FMNL3: variants seen among roughly 807,000 people sequenced by gnomAD.
FMNL3 encodes formin-like protein 3.
A neutral mutation model predicts 119.6 loss-of-function variants in FMNL3; 57 were observed. That is an observed-to-expected ratio of 0.48 (90% CI 0.39 to 0.59). The LOEUF (loss-of-function observed/expected upper bound fraction) is 0.59. FMNL3 is among the 20% of genes least tolerant of loss of function. FMNL3 has a pLI of 0.00. For synonymous variants in FMNL3, 491 were observed against 507.3 expected, an observed-to-expected ratio of 0.97 and a Z score of 0.43; for missense variants, 1,053 against 1,323.5, an observed-to-expected ratio of 0.80 and a Z score of 3.17.
At chr12:49,698,800 C>T (rs1944823278) in intron 1 of FMNL3, among the ~76,000 whole-genome samples, 1 of 152,160 alleles carries the variant, frequency 6.6e-6, no homozygotes, top group Admixed American at 6.5e-5. Context: ...CATAACTTTG[C>T]CCAGAGAGGC....
Position 49,707,368 on chromosome 12 carries a change from G to A in FMNL3, c.-188C>T. 2.2e-6 allele frequency: 1 copy of A among 453,892 alleles called. No individual in the cohort carries two copies. The allele number at this position is 453,892 out of a possible 1,614,324, so 28.1% of individuals were successfully genotyped here. On this transcript the variant is annotated 5_prime_UTR_variant, in exon 1 of 26. The change creates a new upstream start codon in the 5' untranslated region. Transcript: ENST00000335154. ...GGCGCGCGGCGAGGGCGGAGGCAGCGTAGCGGACAGCCGCACCGAAGCAAG... is the reference window on the plus strand; with the variant it reads ...GGCGCGCGGCGAGGGCGGAGGCAGCATAGCGGACAGCCGCACCGAAGCAAG...
At chr12:49,690,482 A>G (rs184959529) in intron 1 of FMNL3, among the ~76,000 whole-genome samples, 11 of 152,310 alleles carry the variant, frequency 7.2e-5, no homozygotes, top group Admixed American at 7.2e-4. Context: ...TCTAAACTCT[A>G]TGAGGGCAAA....
rs755330518 is a variant in FMNL3 at position 49,649,880 on chromosome 12, C to T, written c.2046G>A (p.Met682Ile). ...TLPVDFVECL[M>I]RFLPTEAEVK... Reference sequence around the variant, plus strand: ...CCTCAGCCTCTGTGGGCAGGAAGCGCATCAGGCACTCCACGAAGTCCACAG... The same window carrying T: ...CCTCAGCCTCTGTGGGCAGGAAGCGTATCAGGCACTCCACGAAGTCCACAG... Residue 682 changes from methionine to isoleucine, a missense_variant, in exon 18 of 26, where the codon ATG (methionine) becomes ATA (isoleucine). By Grantham distance (10) the Met-to-Ile change is conservative. Coordinates refer to ENST00000335154, the MANE Select transcript of FMNL3 (RefSeq NM_175736.5). This position sits in a 1 kb window ranked among gnomAD's most constrained non-coding sequence, Gnocchi z 5.6. 2.6e-5 allele frequency: 42 copies of T among 1,614,000 alleles called. 1 individual carries two copies. The South Asian group carries it at 4.2e-4, about 16-fold the overall frequency.
rs1055940978 is a variant in FMNL3 at position 49,648,293 on chromosome 12, C to T, written c.2576G>A (p.Arg859Gln). ...KELGRGMELIRRECSIHDNSV... is the reference protein window; with the variant it reads ...KELGRGMELIQRECSIHDNSV... ...GTTGTCATGGATGCTGCACTCACGCCGAATCAGCTCCATGCCCCGGCCCAG... is the reference window on the plus strand; with the variant it reads ...GTTGTCATGGATGCTGCACTCACGCTGAATCAGCTCCATGCCCCGGCCCAG... Residue 859 changes from arginine to glutamine, a missense_variant, in exon 22 of 26, where the codon CGG becomes CAG. By Grantham distance (43) the Arg-to-Gln change is conservative. Transcript: ENST00000335154. 6 of 1,613,552 alleles carry T rather than the reference C, an allele frequency of 3.7e-6. No individual in the cohort carries two copies. The East Asian group carries it at 8.9e-5, about 24-fold the overall frequency.
chr12:49,685,075 T>C (rs1944423863), intron 1 of FMNL3, among the ~76,000 whole-genome samples: 1 of 152,134 alleles, frequency 6.6e-6, no homozygotes, highest in African/African-American at 2.4e-5. Flanking sequence ...GTCTACGAAA[T>C]GAGCCCATAT....
rs983597591 is a variant in FMNL3, at chr12:49,637,125, T to A, written c.*8690A>T. On this transcript the variant is annotated 3_prime_UTR_variant, in exon 26 of 26. Coordinates refer to ENST00000335154, the MANE Select transcript of FMNL3 (RefSeq NM_175736.5). Reference sequence around the variant, plus strand: ...GACTTGGCAGCTAGGCCATGTTTATTTCCCTTGGTGGGGCACCCGACAGGC... The same window carrying A: ...GACTTGGCAGCTAGGCCATGTTTATATCCCTTGGTGGGGCACCCGACAGGC... The A allele has an allele frequency of 6.9e-6, 4 of 583,852 alleles. No individual in the cohort carries two copies. The highest frequency in any genetic ancestry group is 1.2e-5 in the Non-Finnish European group (4 of 331,954). 36.2% of individuals were successfully genotyped at this position (583,852 alleles called of 1,614,324 possible).
rs1014656084 is a variant in FMNL3 at position 49,637,869 on chromosome 12, G to A, written c.*7946C>T. The A allele has an allele frequency of 2.0e-6, 3 of 1,486,320 alleles. No homozygotes were observed. Among genetic ancestry groups the A allele is most frequent in the Non-Finnish European group, 2.8e-6 (3 of 1,067,178 alleles). 92.1% of individuals were successfully genotyped at this position (1,486,320 alleles called of 1,614,324 possible). On this transcript the variant is annotated 3_prime_UTR_variant, in exon 26 of 26. Coordinates refer to ENST00000335154, the MANE Select transcript of FMNL3 (RefSeq NM_175736.5). The stretch of plus-strand genomic sequence containing the variant: ...TGGATGGATACAGGATGGATGCAGG[G>A]CACACTCCCTGCAGAGGACTCCCTG...
chr12:49,648,980 G>A, intron 21 of FMNL3, 49 bp downstream of exon 21: 2 of 1,545,008 alleles, frequency 1.3e-6, no homozygotes, highest in Non-Finnish European at 1.7e-6. Context: ...TCCTGGGATT[G>A]TCCTGGGCTG....
intron 4 of FMNL3, among the ~76,000 whole-genome samples, chr12:49,665,581 G>C (rs1355620566): frequency 6.6e-6 from 1 of 152,218 alleles, no homozygotes; most frequent in African/African-American, 2.4e-5. Context: ...CAAAGCCACA[G>C]GCAGAGGACC....
At chr12:49,700,645 G>C (rs1195482758) in intron 1 of FMNL3, among the ~76,000 whole-genome samples, 1 of 138,848 alleles carries the variant, frequency 7.2e-6, no homozygotes, top group Non-Finnish European at 1.5e-5. Context: ...AACCCAGGAA[G>C]CAGAGGTTAC....
At chr12:49,693,791 G>A (rs1294676528) in intron 1 of FMNL3, among the ~76,000 whole-genome samples, 1 of 150,896 alleles carries the variant, frequency 6.6e-6, no homozygotes, top group Admixed American at 6.6e-5. Flanking sequence ...TGGGATTACA[G>A]GCACGCACCA....
chr12:49,647,893 G>GCCCA lies in FMNL3; in HGVS notation c.2677-93_2677-90dup. 2 of 1,108,496 alleles carry GCCCA rather than the reference G, an allele frequency of 1.8e-6. No individual in the cohort carries two copies. The highest frequency in any genetic ancestry group is 2.7e-6 in the Non-Finnish European group (2 of 752,466). The allele number at this position is 1,108,496 out of a possible 1,614,324, so 68.7% of individuals were successfully genotyped here. A position where few individuals can be genotyped will look rare whatever the true frequency, so the allele number is the denominator to read the frequency against. On this transcript the variant is annotated intron_variant, in intron 22 of 25. Transcript: ENST00000335154. The surrounding 1 kb of genome is among the most constrained non-coding windows in gnomAD (Gnocchi z 4.9). The stretch of plus-strand genomic sequence containing the variant: ...GGATGAGAGGCCTGCAGAAAGCAGA[G>GCCCA]CCCAGGGCCAAAGGGAGGAAAACCA...
chr12:49,653,588 AGTATGCTCTTGAGAGCCCTGGTGG>A, intron 12 of FMNL3, 113 bp downstream of exon 12: 2 of 1,268,288 alleles, frequency 1.6e-6, no homozygotes, highest in Non-Finnish European at 2.2e-6. Context: ...CTCAGGCCTG[AGTATGCTCTTGAGAGCCCTGGTGG>A]GTTCTAAAGC....
Position 49,643,043 on chromosome 12 carries a change from G to A in FMNL3, c.*2772C>T, listed in dbSNP as rs748856142. 6.8e-6 allele frequency: 11 copies of A among 1,608,898 alleles called. No individual in the cohort carries two copies. In the South Asian group the frequency reaches 1.2e-4, roughly 18 times the overall value. ...TGAGTAAGCGTGTAGAAGGGACATG[G>A]GGTGAAGCTGGGTTGTTTTGGGGAA... On this transcript the variant is annotated 3_prime_UTR_variant, in exon 26 of 26. Coordinates refer to ENST00000335154, the MANE Select transcript of FMNL3 (RefSeq NM_175736.5).
intron 5 of FMNL3, chr12:49,659,875 T>C (rs1360889955): frequency 1.0e-6 from 1 of 985,330 alleles, no homozygotes; most frequent in African/African-American, 1.7e-5. Context: ...CATTAAAGAC[T>C]AAGGGAGCAT....
In FMNL3 at chr12:49,647,239, TGTC is replaced by T; in HGVS notation, c.2871+34_2871+36del. 1.2e-6 allele frequency: 2 copies of T among 1,610,852 alleles called. No homozygotes were observed. Among genetic ancestry groups the T allele is most frequent in the Non-Finnish European group, 1.7e-6 (2 of 1,177,266 alleles). Reference sequence around the variant, plus strand: ...ACCCCCAGCCCCCACTCTTTTGCCTTGTCGTCCTCCAGGCCCCAGCTCTTGGTC... The same window carrying T: ...ACCCCCAGCCCCCACTCTTTTGCCTTGTCCTCCAGGCCCCAGCTCTTGGTC... On this transcript the variant is annotated intron_variant, in intron 24 of 25. Transcript: ENST00000335154. The surrounding 1 kb of genome is among the most constrained non-coding windows in gnomAD (Gnocchi z 4.9).
chr12:49,646,929 A>C lies in FMNL3; in HGVS notation c.2952T>G (p.Pro984=). ...LRRRQAKEHR[P]VYEGKDGTIE... is the part of the protein sequence containing the mutation. ...TGGTACCATCCTTCCCCTCATAAAC[A>C]GGCCGGTGTTCCTTGGCCTGGCGCC... The change falls in exon 25 of 26, where the codon CCT becomes CCG. Residue 984 remains proline, a synonymous_variant. Coordinates refer to ENST00000335154, the MANE Select transcript of FMNL3 (RefSeq NM_175736.5). 1 of 1,614,040 alleles carries C rather than the reference A, an allele frequency of 6.2e-7. No homozygotes were observed. The highest frequency in any genetic ancestry group is 8.5e-7 in the Non-Finnish European group (1 of 1,179,956).
intron 1 of FMNL3, among the ~76,000 whole-genome samples, chr12:49,688,850 T>C (rs185331533): frequency 6.6e-5 from 10 of 152,310 alleles, no homozygotes; most frequent in African/African-American, 1.7e-4. Flanking sequence ...CTCACAAACA[T>C]TGGACACTGT....
chr12:49,647,155 G>T lies in FMNL3; in HGVS notation c.2871+121C>A. 1 of 1,544,558 alleles carries T rather than the reference G, an allele frequency of 6.5e-7. No individual in the cohort carries two copies. The highest frequency in any genetic ancestry group is 8.9e-7 in the Non-Finnish European group (1 of 1,127,990). ...CCTCCCTCCATCCCTCTGGATGCCA[G>T]CCCACTGGCCCTCTGGGTGGTCTGT... On this transcript the variant is annotated intron_variant, in intron 24 of 25. Coordinates refer to ENST00000335154, the MANE Select transcript of FMNL3 (RefSeq NM_175736.5). The surrounding 1 kb of genome is among the most constrained non-coding windows in gnomAD (Gnocchi z 4.9).
Sources: allele counts gnomAD v4.1 joint callset (sites outside exome capture counted in the v4.1 genomes callset), GRCh38; gene constraint gnomAD v4.1.1; non-coding constraint Gnocchi (gnomAD v3.1); transcripts MANE v1.5; gene names NCBI Gene and HGNC (gene_info 2026-07-23, HGNC 2026-07-21).